Variants in APBA2 observed in about 807,000 individuals in gnomAD.
APBA2 encodes amyloid beta precursor protein binding family A member 2, also known as amyloid-beta A4 precursor protein-binding family A member 2.
APBA2 carries 30 observed loss-of-function variants against 75.0 expected under a neutral mutation model. That is an observed-to-expected ratio of 0.40 (90% CI 0.30 to 0.54). The LOEUF (loss-of-function observed/expected upper bound fraction) is 0.54. Among genes scored for constraint, APBA2 ranks in the 20% least tolerant of loss-of-function variants. The pLI is 0.49. For missense variants in APBA2, 801 were observed against 1,016.1 expected (o/e 0.79, Z 2.88); for synonymous variants, 444 against 409.6 (o/e 1.08, Z -1.01).
chr15:29,008,730 T>C (rs958425393), intron 3 of APBA2, among the ~76,000 whole-genome samples: 10 of 151,694 alleles, frequency 6.6e-5, no homozygotes, highest in Admixed American at 2.0e-4. Flanking sequence ...AAAAAACAAA[T>C]AAAAAAATAA....
At chr15:28,984,723 G>T (rs545333803) in intron 2 of APBA2, among the ~76,000 whole-genome samples, 3 of 150,572 alleles carry the variant, frequency 2.0e-5, no homozygotes, top group African/African-American at 7.5e-5. Flanking sequence ...ATCTCTGGGG[G>T]TTGGGAGAGC....
At chr15:28,944,290 G>C (rs1197370146) in intron 2 of APBA2, among the ~76,000 whole-genome samples, 1 of 152,144 alleles carries the variant, frequency 6.6e-6, no homozygotes, top group Non-Finnish European at 1.5e-5. Flanking sequence ...TAGATCACCT[G>C]CCAACCTGCC....
chr15:29,077,537 A>G lies in APBA2; in HGVS notation c.1069+1446A>G, dbSNP rs149000876. On this transcript the variant is annotated intron_variant, in intron 6 of 14. Coordinates refer to ENST00000683413, the MANE Select transcript of APBA2 (RefSeq NM_001353788.2). ...GGAGTGGGATCGTGAGGGATCGGGA[A>G]GCAGTGTCAGTGCCTGGGGTACCTC... is the stretch of plus-strand genomic sequence containing the variant. Among the ~76,000 whole-genome samples, 71 of 152,312 alleles carry G rather than the reference A, an allele frequency of 4.7e-4. 1 individual carries two copies. Among genetic ancestry groups the G allele is most frequent in the African/African-American group, 1.5e-3 (63 of 41,572 alleles).
At chr15:28,889,348 C>A (rs2152602398) in intron 1 of APBA2, among the ~76,000 whole-genome samples, 1 of 152,320 alleles carries the variant, frequency 6.6e-6, no homozygotes, top group South Asian at 2.1e-4. Flanking sequence ...CTGCTGTGTG[C>A]ATTGTGATTT....
chr15:29,116,597 C>T (rs1478886309), intron 14 of APBA2, among the ~76,000 whole-genome samples: 1 of 149,830 alleles, frequency 6.7e-6, no homozygotes, highest in East Asian at 2.0e-4. Flanking sequence ...CACTGCACTC[C>T]AGCCTGGGCG....
At chr15:29,047,930 T>C (rs547620482) in intron 3 of APBA2, among the ~76,000 whole-genome samples, 2 of 152,116 alleles carry the variant, frequency 1.3e-5, no homozygotes, top group Non-Finnish European at 2.9e-5. Flanking sequence ...AAGAAAAAAC[T>C]TAATATGAGA....
intron 2 of APBA2, among the ~76,000 whole-genome samples, chr15:28,949,146 G>A (rs1315781771): frequency 6.6e-6 from 1 of 152,012 alleles, no homozygotes; most frequent in Admixed American, 6.6e-5. Context: ...CACCCGGACA[G>A]GTTGTCCGTT....
At chr15:29,105,348 C>T (rs1056667216) in intron 10 of APBA2, 31 bp from the exon 11 acceptor site, 3 of 1,602,742 alleles carry the variant, frequency 1.9e-6, no homozygotes, top group Admixed American at 1.7e-5. Context: ...GTGCCACGTG[C>T]CTGTCTCCAG....
At chr15:28,916,500 C>G (rs1694379254) in intron 1 of APBA2, among the ~76,000 whole-genome samples, 2 of 152,372 alleles carry the variant, frequency 1.3e-5, no homozygotes, top group African/African-American at 4.8e-5. Context: ...CCCTCTGCTC[C>G]CACCTGTCTC....
rs1210988692 is a variant in APBA2 at position 29,053,827 on chromosome 15, C to T, written c.-40-18C>T. On this transcript the variant is annotated intron_variant, in intron 3 of 14. Coordinates refer to ENST00000683413, the MANE Select transcript of APBA2 (RefSeq NM_001353788.2). ...TGTGGGGTTTTGACTCTGTCCTTCC[C>T]AATGTTCCTCCCCACAGTGGCTGCC... The T allele has an allele frequency of 6.7e-7, 1 of 1,499,486 alleles. No individual in the cohort carries two copies. Among genetic ancestry groups the T allele is most frequent in the African/African-American group, 1.4e-5 (1 of 72,704 alleles). 92.9% of individuals were successfully genotyped at this position (1,499,486 alleles called of 1,614,324 possible). A position where few individuals can be genotyped will look rare whatever the true frequency, so the allele number is the denominator to read the frequency against.
chr15:29,030,160 A>G (rs1318533753), intron 3 of APBA2, among the ~76,000 whole-genome samples: 1 of 151,982 alleles, frequency 6.6e-6, no homozygotes, highest in African/African-American at 2.4e-5. Context: ...TAATGTGCTC[A>G]CTCTAAAGGA....
intron 3 of APBA2, among the ~76,000 whole-genome samples, chr15:29,001,620 C>A (rs2038851565): frequency 6.6e-6 from 1 of 152,204 alleles, no homozygotes; most frequent in Non-Finnish European, 1.5e-5. Context: ...ATGTGTAGCA[C>A]ATGTGAGTTT....
chr15:29,002,501 A>G (rs12595719), intron 3 of APBA2, among the ~76,000 whole-genome samples: 3,102 of 151,436 alleles, frequency 0.02, 160 homozygotes, highest in East Asian at 0.2. Flanking sequence ...GGCTGTTACC[A>G]TCTCATAAGA....
At chr15:29,116,952 T>A in intron 14 of APBA2, 110 bp from the exon 15 acceptor site, 1 of 1,171,158 alleles carries the variant, frequency 8.5e-7, no homozygotes, top group Non-Finnish European at 1.3e-6. Context: ...CTCTAGGAGA[T>A]GGGCATTTGA....
At chr15:28,940,436 T>C (rs1595512906) in intron 2 of APBA2, among the ~76,000 whole-genome samples, 3 of 140,762 alleles carry the variant, frequency 2.1e-5, no homozygotes, top group African/African-American at 8.3e-5. Context: ...CTCCGAAGGC[T>C]GAGACAGGAG....
chr15:29,060,442 G>A (rs879139907), intron 4 of APBA2, among the ~76,000 whole-genome samples: 6 of 152,178 alleles, frequency 3.9e-5, no homozygotes, highest in Non-Finnish European at 5.9e-5. Flanking sequence ...AAGAGAAAGC[G>A]TCCAGTTCTG....
chr15:29,041,715 A>T (rs1284226297), intron 3 of APBA2, among the ~76,000 whole-genome samples: 1 of 152,148 alleles, frequency 6.6e-6, no homozygotes, highest in Non-Finnish European at 1.5e-5. Flanking sequence ...ATTCATTGCA[A>T]TCCCAATCAA....
chr15:28,953,528 C>T lies in APBA2; in HGVS notation c.-95+31779C>T, dbSNP rs373944967. 6.6e-5 allele frequency among the ~76,000 whole-genome samples: 10 copies of T among 152,228 alleles called. No individual in the cohort carries two copies. In the East Asian group the frequency reaches 1.4e-3, roughly 21 times the overall value. ...CTCCCTTCCCGTTCTCTCTTATACCCGCTCCAGTCGGACTTTTGCCCCTTC... is the reference window on the plus strand; with the variant it reads ...CTCCCTTCCCGTTCTCTCTTATACCTGCTCCAGTCGGACTTTTGCCCCTTC... On this transcript the variant is annotated intron_variant, in intron 2 of 14. Transcript: ENST00000683413.
intron 3 of APBA2, among the ~76,000 whole-genome samples, chr15:29,000,182 C>G (rs578171994): frequency 6.6e-6 from 1 of 152,286 alleles, no homozygotes; most frequent in Non-Finnish European, 1.5e-5. Context: ...ACCTTGTGGC[C>G]CAGTCAGGTT....
Sources: gnomAD v4.1 joint callset for allele counts (sites outside exome capture counted in the v4.1 genomes callset) on GRCh38, gnomAD v4.1.1 for gene constraint, MANE v1.5 for transcripts, NCBI Gene and HGNC (gene_info 2026-07-23, HGNC 2026-07-21) for gene names.